MMRN1: variants seen among roughly 807,000 people sequenced by gnomAD.
MMRN1 encodes the protein multimerin-1.
Under a neutral mutation model 100.7 loss-of-function variants are expected in MMRN1, and 94 were observed. That is an observed-to-expected ratio of 0.93 (90% CI 0.79 to 1.11). The LOEUF (loss-of-function observed/expected upper bound fraction) is 1.11. Ranked by LOEUF, MMRN1 falls within the 50% of genes least tolerant of loss-of-function variation. The pLI is 0.00. For synonymous variants in MMRN1, 575 were observed against 505.0 expected, an observed-to-expected ratio of 1.14 and a Z score of -1.86; for missense variants, 1,606 against 1,439.1, an observed-to-expected ratio of 1.12 and a Z score of -1.88.
At chr4:89,949,005 A>G (rs1386150749) in intron 6 of MMRN1, among the ~76,000 whole-genome samples, 1 of 152,156 alleles carries the variant, frequency 6.6e-6, no homozygotes, top group Non-Finnish European at 1.5e-5. Context: ...AAATTGGAAA[A>G]TGGGGTAAAA....
At chr4:89,925,178 C>G (rs1323780569) in intron 4 of MMRN1, among the ~76,000 whole-genome samples, 4 of 151,152 alleles carry the variant, frequency 2.6e-5, no homozygotes, top group African/African-American at 9.7e-5. Context: ...GGGTCTGCAC[C>G]CAGGCAGGAG....
In MMRN1 at chr4:89,951,730, G is replaced by A. The variant is rs201134851; in HGVS notation, c.3244G>A (p.Glu1082Lys). ...TGACAACTGCACTATCAAGCTTGTG[G>A]AAGAAAATGCTTTAGCTCCAGGTAA... The part of the protein sequence containing the change: ...TGDNCTIKLV[E>K]ENALAPDFSK... The change falls in exon 7 of 8, where the codon GAA (glutamate) becomes AAA (lysine). Residue 1082 changes from glutamate (E) to lysine (K), a missense_variant. By Grantham distance (56) the Glu-to-Lys change is moderately conservative. Transcript: ENST00000264790. 195 of 1,612,316 alleles carry A rather than the reference G, an allele frequency of 1.2e-4. 2 individuals carry two copies. The highest frequency in any genetic ancestry group is 4.9e-4 in the Middle Eastern group (3 of 6,070).
At chr4:89,923,730 C>T (rs147862961) in intron 4 of MMRN1, among the ~76,000 whole-genome samples, 110 of 152,330 alleles carry the variant, frequency 7.2e-4, no homozygotes, top group African/African-American at 2.5e-3. Context: ...CAAGAACCTC[C>T]TGCTGATCCA....
intron 1 of MMRN1, among the ~76,000 whole-genome samples, chr4:89,883,754 C>T (rs1013147454): frequency 1.3e-5 from 2 of 152,028 alleles, no homozygotes; most frequent in African/African-American, 2.4e-5. Flanking sequence ...GGAGGAGATG[C>T]AGTGTTTCAA....
chr4:89,905,972 A>G (rs1721553165), intron 1 of MMRN1, among the ~76,000 whole-genome samples: 1 of 151,580 alleles, frequency 6.6e-6, no homozygotes, highest in Admixed American at 6.6e-5. Context: ...GAACTAGTAT[A>G]ACTGAATAAT....
chr4:89,894,941 C>T lies in MMRN1; in HGVS notation c.-31C>T. On this transcript the variant is annotated 5_prime_UTR_variant, in exon 1 of 8. Transcript: ENST00000264790. The stretch of plus-strand genomic sequence containing the variant: ...CCATAAGGATTTTGTCCCCAAATTT[C>T]ACATGAGCTACCTTGCTTCAAACTA... 6.4e-7 allele frequency: 1 copy of T among 1,571,134 alleles called. No individual in the cohort carries two copies. Among genetic ancestry groups the T allele is most frequent in the Non-Finnish European group, 8.6e-7 (1 of 1,160,096 alleles).
rs28523706 is a variant in MMRN1, at chr4:89,924,829, C to T, written c.955+1557C>T. Reference sequence around the variant, plus strand: ...GCTGCACTGCAGCCTGGTGACAGAGCGAGACTGTCTCAAAAATAAAAAATT... The same window carrying T: ...GCTGCACTGCAGCCTGGTGACAGAGTGAGACTGTCTCAAAAATAAAAAATT... On this transcript the variant is annotated intron_variant, in intron 4 of 7. Coordinates refer to ENST00000264790, the MANE Select transcript of MMRN1 (RefSeq NM_007351.3). Among the ~76,000 whole-genome samples the T allele has an allele frequency of 2.6e-3, 392 of 151,846 alleles. 3 individuals carry two copies. Among genetic ancestry groups the T allele is most frequent in the African/African-American group, 9.2e-3 (381 of 41,428 alleles).
At chr4:89,880,207 T>G (rs1205484744) in intron 1 of MMRN1, among the ~76,000 whole-genome samples, 2 of 152,182 alleles carry the variant, frequency 1.3e-5, no homozygotes, top group Admixed American at 6.6e-5. Flanking sequence ...AAGGTTGAGT[T>G]TAAGCCCTAA....
chr4:89,896,372 G>A (rs527950661), intron 1 of MMRN1, among the ~76,000 whole-genome samples: 1 of 152,228 alleles, frequency 6.6e-6, no homozygotes, highest in South Asian at 2.1e-4. Context: ...AGAGCAATTT[G>A]AGTGGTTGAA....
chr4:89,907,308 A>G (rs1721598173), intron 1 of MMRN1, among the ~76,000 whole-genome samples: 1 of 151,602 alleles, frequency 6.6e-6, no homozygotes, highest in Non-Finnish European at 1.5e-5. Context: ...AATTTTAAAC[A>G]TCACATTCAA....
At position 89,911,993 on chromosome 4, in the gene MMRN1, A is replaced by G. The variant is rs772332445; in HGVS notation, c.793A>G (p.Thr265Ala). 3.7e-6 allele frequency: 6 copies of G among 1,604,358 alleles called. No individual in the cohort carries two copies. In the South Asian group the frequency reaches 6.7e-5, roughly 18 times the overall value. ...PVYRMQHKIV[T>A]SLDWRCCPGY... ...CTATAGGATGCAACATAAAATTGTC[A>G]CCTCATTGGATTGGAGGTGCTGTCC... is the stretch of plus-strand genomic sequence containing the variant. Residue 265 changes from threonine to alanine, a missense_variant, in exon 3 of 8, where the codon ACC becomes GCC. Coordinates refer to ENST00000264790, the MANE Select transcript of MMRN1 (RefSeq NM_007351.3).
upstream of MMRN1, chr4:89,894,728 G>C (rs754596646): frequency 0.028 from 11,878 of 418,522 alleles, 253 homozygotes; most frequent in Non-Finnish European, 0.038. Flanking sequence ...CCTTAGCTTT[G>C]TCAGAGACCC....
intron 4 of MMRN1, among the ~76,000 whole-genome samples, chr4:89,926,924 G>A (rs1220111202): frequency 6.6e-6 from 1 of 151,990 alleles, no homozygotes. Flanking sequence ...TGTTGAAAAT[G>A]AGCTCACTGT....
intron 6 of MMRN1, among the ~76,000 whole-genome samples, chr4:89,938,028 GCTGTTAAAT>G (rs1722701144): frequency 6.6e-6 from 1 of 151,906 alleles, no homozygotes; most frequent in African/African-American, 2.4e-5. Context: ...ATATGAGTCT[GCTGTTAAAT>G]TATAGCCCAT....
intron 1 of MMRN1, among the ~76,000 whole-genome samples, chr4:89,907,829 G>GCT (rs1553922652): frequency 7.2e-6 from 1 of 139,350 alleles, no homozygotes; most frequent in Non-Finnish European, 1.6e-5. Flanking sequence ...CTGTTTTTTT[G>GCT]TTTTTTTTTT....
At chr4:89,884,600 T>C (rs1720894678) in intron 1 of MMRN1, among the ~76,000 whole-genome samples, 1 of 152,108 alleles carries the variant, frequency 6.6e-6, no homozygotes, top group African/African-American at 2.4e-5. Context: ...CTTTCCTTTT[T>C]ATAGAGACAA....
At chr4:89,889,834 C>A (rs949035802) in intron 1 of MMRN1, among the ~76,000 whole-genome samples, 9 of 152,040 alleles carry the variant, frequency 5.9e-5, no homozygotes, top group African/African-American at 1.7e-4. Context: ...CTTCTACTTG[C>A]AACGAAAAAT....
At chr4:89,945,571 G>A (rs931080129) in intron 6 of MMRN1, among the ~76,000 whole-genome samples, 2 of 151,990 alleles carry the variant, frequency 1.3e-5, no homozygotes, top group African/African-American at 4.8e-5. Context: ...CTAGTGACTA[G>A]GAACACTGAA....
chr4:89,948,326 A>G (rs956828755), intron 6 of MMRN1, among the ~76,000 whole-genome samples: 6 of 152,182 alleles, frequency 3.9e-5, no homozygotes, highest in Admixed American at 1.3e-4. Flanking sequence ...CATGAGACAT[A>G]AATTTGGAAA....
Sources: allele counts gnomAD v4.1 joint callset (sites outside exome capture counted in the v4.1 genomes callset), GRCh38; gene constraint gnomAD v4.1.1; transcripts MANE v1.5; gene names NCBI Gene and HGNC (gene_info 2026-07-23, HGNC 2026-07-21).